Variants in GOLGA3 observed in about 807,000 individuals in gnomAD.
GOLGA3 encodes golgin subfamily A member 3.
A neutral mutation model predicts 169.4 loss-of-function variants in GOLGA3; 75 were observed. That is an observed-to-expected ratio of 0.44 (90% CI 0.37 to 0.54). The LOEUF is 0.54. Among genes scored for constraint, GOLGA3 ranks in the 20% least tolerant of loss-of-function variants. The pLI, the probability that GOLGA3 is intolerant of heterozygous loss-of-function variation, is 0.00. For synonymous variants in GOLGA3, 824 were observed against 822.4 expected, an observed-to-expected ratio of 1.00 and a Z score of -0.03; for missense variants, 1,899 against 1,930.0, an observed-to-expected ratio of 0.98 and a Z score of 0.30.
chr12:132,790,046 T>C (rs969998057), intron 12 of GOLGA3, among the ~76,000 whole-genome samples: 3 of 134,696 alleles, frequency 2.2e-5, no homozygotes, highest in South Asian at 2.4e-4. Context: ...AAAACTAAAT[T>C]ACAGGCCGGG....
Position 132,789,205 on chromosome 12 carries a change from G to C in GOLGA3, c.2633C>G (p.Ser878Trp). The change falls in exon 13 of 24, where the codon TCG (serine) becomes TGG (tryptophan). Residue 878 changes from serine to tryptophan, a missense_variant. Ser to Trp is a radical substitution (Grantham distance 177). Coordinates refer to ENST00000450791, the MANE Select transcript of GOLGA3 (RefSeq NM_001389683.1). ...CTCCTGCCGCAGCTCCTTCAGCTCC[G>C]AGTCCAGCCTCTTCCTGGTGGCTTT... ...ELKATRKRLD[S>W]ELKELRQELM... 6.2e-7 allele frequency: 1 copy of C among 1,610,900 alleles called. No individual in the cohort carries two copies. Among genetic ancestry groups the C allele is most frequent in the Non-Finnish European group, 8.5e-7 (1 of 1,180,018 alleles).
Position 132,823,473 on chromosome 12 carries a change from C to A in GOLGA3, c.-183-1162G>T, listed in dbSNP as rs560856496. On this transcript the variant is annotated intron_variant, in intron 1 of 23. Transcript: ENST00000450791. Reference sequence around the variant, plus strand: ...CTTCGCCTCTAGCTTACAAATCCCACACAGAAGGTATAGACAAGAAGCCCA... The same window carrying A: ...CTTCGCCTCTAGCTTACAAATCCCAAACAGAAGGTATAGACAAGAAGCCCA... Among the ~76,000 whole-genome samples, 4 of 152,224 alleles carry A rather than the reference C, an allele frequency of 2.6e-5. No individual in the cohort carries two copies. The South Asian group carries it at 8.3e-4, about 31-fold the overall frequency.
At chr12:132,802,716 C>T (rs115198038) in intron 7 of GOLGA3, among the ~76,000 whole-genome samples, 4,074 of 152,238 alleles carry the variant, frequency 0.027, 161 homozygotes, top group African/African-American at 0.092. Flanking sequence ...AAATGAAGTA[C>T]ATCTTCTCCA....
chr12:132,781,136 G>A (rs2045581325), intron 17 of GOLGA3, among the ~76,000 whole-genome samples: 1 of 152,164 alleles, frequency 6.6e-6, no homozygotes, highest in Non-Finnish European at 1.5e-5. Context: ...GGGCCCCACG[G>A]CTCCAGAGGC....
At chr12:132,792,273 G>A (rs1399997915) in intron 11 of GOLGA3, among the ~76,000 whole-genome samples, 1 of 152,202 alleles carries the variant, frequency 6.6e-6, no homozygotes, top group African/African-American at 2.4e-5. Flanking sequence ...TGAGGCCAGG[G>A]GACACTGCAG....
Position 132,804,481 on chromosome 12 carries a change from C to T in GOLGA3, c.1597+235G>A, listed in dbSNP as rs748229125. On this transcript the variant is annotated intron_variant, in intron 7 of 23. Coordinates refer to ENST00000450791, the MANE Select transcript of GOLGA3 (RefSeq NM_001389683.1). This position sits in a 1 kb window ranked among gnomAD's most constrained non-coding sequence, Gnocchi z 4.1. ...AACCCTCACAGGCACAGTCACATGC[C>T]GACAGAGCTGTCAGCACCAGGGAGG... Among the ~76,000 whole-genome samples, 2 of 152,166 alleles carry T rather than the reference C, an allele frequency of 1.3e-5. No homozygotes were observed. The highest frequency in any genetic ancestry group is 6.5e-5 in the Admixed American group (1 of 15,280).
At position 132,802,486 on chromosome 12, in the gene GOLGA3, G is replaced by A. The variant is rs560087231; in HGVS notation, c.1598-517C>T. The stretch of plus-strand genomic sequence containing the variant: ...ACCAAAAAAAAAAAATTAGCCAGGC[G>A]GGGTGGCATGCATCTGTGGTCCCAG... On this transcript the variant is annotated intron_variant, in intron 7 of 23. Transcript: ENST00000450791. Among the ~76,000 whole-genome samples the A allele has an allele frequency of 5.9e-5, 9 of 152,252 alleles. No individual in the cohort carries two copies. The South Asian group carries it at 6.2e-4, about 11-fold the overall frequency.
chr12:132,821,740 G>T (rs1444448075), intron 2 of GOLGA3, among the ~76,000 whole-genome samples: 1 of 148,608 alleles, frequency 6.7e-6, no homozygotes, highest in Non-Finnish European at 1.5e-5. Flanking sequence ...TGTAATCCCA[G>T]CTACTCAGGA....
At chr12:132,818,775 G>T (rs1216673667) in intron 2 of GOLGA3, among the ~76,000 whole-genome samples, 1 of 152,066 alleles carries the variant, frequency 6.6e-6, no homozygotes, top group Non-Finnish European at 1.5e-5. Context: ...ACCCTAAGGC[G>T]AAGAGGTGGA....
In GOLGA3 at chr12:132,816,576, G is replaced by T. The variant is rs748262825; in HGVS notation, c.370C>A (p.Leu124Ile). 4 of 1,614,058 alleles carry T rather than the reference G, an allele frequency of 2.5e-6. No homozygotes were observed. Among genetic ancestry groups the T allele is most frequent in the Non-Finnish European group, 3.4e-6 (4 of 1,179,970 alleles). ...TCTTGCATAGGAAGACTGAGTCTGA[G>T]AGACTGCAAAGCTTCTTTTCTAACA... is the stretch of plus-strand genomic sequence containing the variant. ...GSVRKEALQS[L>I]RLSLPMQETQ... The change falls in exon 3 of 24, where the codon CTC becomes ATC. Residue 124 changes from leucine to isoleucine, a missense_variant. Coordinates refer to ENST00000450791, the MANE Select transcript of GOLGA3 (RefSeq NM_001389683.1).
intron 1 of GOLGA3, chr12:132,828,248 G>A (rs1218300074): frequency 6.6e-6 from 1 of 152,212 alleles, no homozygotes; most frequent in African/African-American, 2.4e-5. Context: ...CCCTGTCCTA[G>A]GTGGGCTCCG....
chr12:132,796,297 C>A, intron 10 of GOLGA3, 77 bp from the exon 11 acceptor site: 1 of 1,487,752 alleles, frequency 6.7e-7, no homozygotes, highest in South Asian at 1.3e-5. Flanking sequence ...GTTCGGGTTT[C>A]AAGTAATTTT....
chr12:132,798,102 G>C (rs1011481641), intron 9 of GOLGA3, among the ~76,000 whole-genome samples: 6 of 145,878 alleles, frequency 4.1e-5, no homozygotes, highest in Admixed American at 2.0e-4. Context: ...GATGAGGGGT[G>C]GGGGGGGTCC....
In GOLGA3 at chr12:132,777,716, C is replaced by A. The variant is rs746997749; in HGVS notation, c.3672G>T (p.Gln1224His). Residue 1224 changes from glutamine to histidine, a missense_variant, in exon 19 of 24, where the codon CAG (glutamine) becomes CAT (histidine). Physicochemically the swap from Gln to His is conservative, Grantham distance 24. Transcript: ENST00000450791. This position sits in a 1 kb window ranked among gnomAD's most constrained non-coding sequence, Gnocchi z 4.7. ...LELSEVKKEL[Q>H]AKEHLVQKLQ... ...GCTTCTGCACCAGGTGTTCCTTGGC[C>A]TGCAGCTCCTTCTTCACCTCACTCA... 5.6e-6 allele frequency: 9 copies of A among 1,614,030 alleles called. No individual in the cohort carries two copies. In the South Asian group the frequency reaches 9.9e-5, roughly 18 times the overall value.
At position 132,789,243 on chromosome 12, in the gene GOLGA3, G is replaced by C. The variant is rs1399064613; in HGVS notation, c.2595C>G (p.Leu865=). 4 of 1,608,118 alleles carry C rather than the reference G, an allele frequency of 2.5e-6. No homozygotes were observed. The African/African-American group carries it at 4.0e-5, about 16-fold the overall frequency. ...TCCTGGTGGCTTTCAGCTCACTGATGAGCTGGTCTTTGGAGGTGGCGTCGC... is the reference window on the plus strand; with the variant it reads ...TCCTGGTGGCTTTCAGCTCACTGATCAGCTGGTCTTTGGAGGTGGCGTCGC... ...YRRDATSKDQ[L]ISELKATRKR... Residue 865 remains leucine (L), a synonymous_variant, in exon 13 of 24, where the codon CTC becomes CTG. Coordinates refer to ENST00000450791, the MANE Select transcript of GOLGA3 (RefSeq NM_001389683.1).
chr12:132,784,920 C>T (rs939512787), intron 15 of GOLGA3, among the ~76,000 whole-genome samples: 1 of 152,216 alleles, frequency 6.6e-6, no homozygotes, highest in African/African-American at 2.4e-5. Context: ...CACACATGCA[C>T]GGATACATGC....
In GOLGA3 at chr12:132,774,317, TTC is replaced by T. The variant is rs889137755; in HGVS notation, c.4145_4146del (p.Arg1382LysfsTer151). 3 of 1,611,434 alleles carry T rather than the reference TTC, an allele frequency of 1.9e-6. No individual in the cohort carries two copies. The highest frequency in any genetic ancestry group is 1.3e-5 in the African/African-American group (1 of 75,050). Reference protein sequence around the residue: ...LDLRRGAAKTRKEPKGEASSS... With the variant: ...LDLRRGAAKTXKEPKGEASSS... ...GAGCTGGCCTCGCCTTTCGGCTCCT[TTC>T]TCTGTTTTTAAAAGCACATGATCAG... is the stretch of plus-strand genomic sequence containing the variant. On this transcript the variant is annotated frameshift_variant and splice_region_variant, in exon 23 of 24. Transcript: ENST00000450791. LOFTEE classifies it high-confidence loss of function.
chr12:132,821,865 A>ACC (rs1566148909), intron 2 of GOLGA3, 131 bp downstream of exon 2: 2 of 610,920 alleles, frequency 3.3e-6, no homozygotes, highest in Admixed American at 6.1e-5. Flanking sequence ...AAAAAAAAAA[A>ACC]AAAAAAAAAC....
chr12:132,808,570 C>A (rs748909665), intron 4 of GOLGA3, 21 bp from the exon 5 acceptor site: 20 of 1,542,164 alleles, frequency 1.3e-5, no homozygotes, highest in Non-Finnish European at 1.6e-5. Flanking sequence ...AACAAAAGTA[C>A]AAAAATTACA....
Sources: gnomAD v4.1 joint callset for allele counts (sites outside exome capture counted in the v4.1 genomes callset) on GRCh38, gnomAD v4.1.1 for gene constraint, Gnocchi (gnomAD v3.1) non-coding constraint, MANE v1.5 for transcripts, NCBI Gene and HGNC (gene_info 2026-07-23, HGNC 2026-07-21) for gene names.